The following AGAP1 variants were observed in gnomAD, a reference collection of about 807,000 sequenced individuals.
AGAP1 encodes the protein ArfGAP with GTPase domain, ankyrin repeat and PH domain 1.
In AGAP1, 29 loss-of-function variants were observed where a neutral mutation model predicts 105.3. The ratio of observed to expected loss-of-function variants is 0.28; its 90% CI spans 0.21 to 0.38. The LOEUF is 0.38. Ranked by LOEUF, AGAP1 falls within the 10% of genes least tolerant of loss-of-function variation. The pLI is 1.00. For missense variants in AGAP1, 998 were observed against 1,165.1 expected (o/e 0.86, Z 2.09); for synonymous variants, 509 against 485.9 (o/e 1.05, Z -0.63).
rs1223188001 is a variant in AGAP1, at chr2:235,608,555, T to C, written c.164-100624T>C. Among the ~76,000 whole-genome samples, 1 of 152,134 alleles carries C rather than the reference T, an allele frequency of 6.6e-6. No individual in the cohort carries two copies. Among genetic ancestry groups the C allele is most frequent in the African/African-American group, 2.4e-5 (1 of 41,424 alleles). On this transcript the variant is annotated intron_variant, in intron 1 of 17. Transcript: ENST00000304032. The surrounding 1 kb of genome is among the most constrained non-coding windows in gnomAD (Gnocchi z 5.4). Reference sequence around the variant, plus strand: ...CTGCCTCTCCCAGTGAGACCAACCCTGCCCTCTGGACGGATGGAAGGACAC... The same window carrying C: ...CTGCCTCTCCCAGTGAGACCAACCCCGCCCTCTGGACGGATGGAAGGACAC...
chr2:235,963,839 G>A lies in AGAP1; in HGVS notation c.1484-4623G>A, dbSNP rs1487789237. ...ACACAGAGACATAGAGTGGTGGCCTGGAATAGAGAGCCTAGCGGTAGACCT... is the reference window on the plus strand; with the variant it reads ...ACACAGAGACATAGAGTGGTGGCCTAGAATAGAGAGCCTAGCGGTAGACCT... On this transcript the variant is annotated intron_variant, in intron 12 of 17. Transcript: ENST00000304032. This position sits in a 1 kb window ranked among gnomAD's most constrained non-coding sequence, Gnocchi z 5.1. Among the ~76,000 whole-genome samples the A allele has an allele frequency of 6.6e-6, 1 of 152,180 alleles. No homozygotes were observed. Among genetic ancestry groups the A allele is most frequent in the African/African-American group, 2.4e-5 (1 of 41,446 alleles).
At position 235,612,305 on chromosome 2, in the gene AGAP1, G is replaced by A. The variant is rs1469611312; in HGVS notation, c.164-96874G>A. On this transcript the variant is annotated intron_variant, in intron 1 of 17. Transcript: ENST00000304032. This position sits in a 1 kb window ranked among gnomAD's most constrained non-coding sequence, Gnocchi z 4.3. ...GAATTGATTGCACCCCTCCTGTGGC[G>A]TGGAGGCGGTGCCTGGTTAAAGTGG... Among the ~76,000 whole-genome samples, 1 of 152,134 alleles carries A rather than the reference G, an allele frequency of 6.6e-6. No individual in the cohort carries two copies. Among genetic ancestry groups the A allele is most frequent in the Non-Finnish European group, 1.5e-5 (1 of 68,030 alleles).
Position 236,120,216 on chromosome 2 carries a change from T to C in AGAP1, c.2139T>C (p.Arg713=), listed in dbSNP as rs753894634. ...GGGAAGAGAAGGAACGGTGGATCCG[T>C]GCCAAGTACGAGCAGAAGCTCTTCC... ...STREEKERWI[R]AKYEQKLFLA... Residue 713 remains arginine (R), a synonymous_variant, in exon 17 of 18, where the codon CGT becomes CGC. Transcript: ENST00000304032. The surrounding 1 kb of genome is among the most constrained non-coding windows in gnomAD (Gnocchi z 6.0). The C allele has an allele frequency of 6.2e-7, 1 of 1,612,890 alleles. No homozygotes were observed. Among genetic ancestry groups the C allele is most frequent in the South Asian group, 1.1e-5 (1 of 90,948 alleles).
At chr2:235,627,807 A>G (rs912362244) in intron 1 of AGAP1, among the ~76,000 whole-genome samples, 5 of 152,036 alleles carry the variant, frequency 3.3e-5, no homozygotes, top group Middle Eastern at 3.2e-3. Flanking sequence ...TTTCTTGGTG[A>G]TTTTTCTCAG....
Position 235,670,935 on chromosome 2 carries a change from C to G in AGAP1, c.164-38244C>G, listed in dbSNP as rs749290988. 12 of 1,320,720 alleles carry G rather than the reference C, an allele frequency of 9.1e-6. No individual in the cohort carries two copies. In the South Asian group the frequency reaches 1.3e-4, roughly 14 times the overall value. The allele number at this position is 1,320,720 out of a possible 1,614,324, so 81.8% of individuals were successfully genotyped here. A position where few individuals can be genotyped will look rare whatever the true frequency, so the allele number is the denominator to read the frequency against. ...ATCTTCGCGCGCAGGGACGGGGGCC[C>G]GGGCGGCGGGCCCTCGCCACGGAGC... On this transcript the variant is annotated intron_variant, in intron 1 of 17. Transcript: ENST00000304032.
At chr2:235,630,873 C>T (rs1395375140) in intron 1 of AGAP1, among the ~76,000 whole-genome samples, 1 of 152,208 alleles carries the variant, frequency 6.6e-6, no homozygotes, top group Non-Finnish European at 1.5e-5. Context: ...GGTCTGTGTG[C>T]TGGCCCAGCC....
chr2:235,995,411 G>A (rs1355601867), intron 13 of AGAP1, among the ~76,000 whole-genome samples: 1 of 152,096 alleles, frequency 6.6e-6, no homozygotes, highest in African/African-American at 2.4e-5. Flanking sequence ...CTCCTCGGGA[G>A]GCTGAAGCAG....
intron 1 of AGAP1, among the ~76,000 whole-genome samples, chr2:235,561,617 G>C (rs79175791): frequency 0.021 from 3,140 of 152,280 alleles, 115 homozygotes; most frequent in African/African-American, 0.072. Context: ...TGTTCTTGAG[G>C]CTTATTGCTG....
At chr2:235,505,032 A>G (rs561447431) in intron 1 of AGAP1, among the ~76,000 whole-genome samples, 16 of 152,220 alleles carry the variant, frequency 1.1e-4, no homozygotes, top group Admixed American at 1.0e-3. Flanking sequence ...TCAGTTGTCA[A>G]CTGGGGGACT....
At position 235,610,403 on chromosome 2, in the gene AGAP1, A is replaced by G. The variant is rs143418488; in HGVS notation, c.164-98776A>G. Among the ~76,000 whole-genome samples, 110 of 152,288 alleles carry G rather than the reference A, an allele frequency of 7.2e-4. No individual in the cohort carries two copies. Among genetic ancestry groups the G allele is most frequent in the African/African-American group, 2.6e-3 (108 of 41,572 alleles). On this transcript the variant is annotated intron_variant, in intron 1 of 17. Coordinates refer to ENST00000304032, the MANE Select transcript of AGAP1 (RefSeq NM_001037131.3). The surrounding 1 kb of genome is among the most constrained non-coding windows in gnomAD (Gnocchi z 4.9). Reference sequence around the variant, plus strand: ...TCACAGTTCTAGAGGCTGGAAGTCCAAGATCAGGGTGCTGGCATGGTTGGA... The same window carrying G: ...TCACAGTTCTAGAGGCTGGAAGTCCGAGATCAGGGTGCTGGCATGGTTGGA...
intron 11 of AGAP1, among the ~76,000 whole-genome samples, chr2:235,924,481 C>T (rs73128445): frequency 0.02 from 3,037 of 152,262 alleles, 91 homozygotes; most frequent in African/African-American, 0.062. Flanking sequence ...TGCGGCTGCT[C>T]GGCCCGCTAG....
chr2:235,784,373 C>G (rs1248695321), intron 6 of AGAP1, among the ~76,000 whole-genome samples: 1 of 152,112 alleles, frequency 6.6e-6, no homozygotes, highest in Non-Finnish European at 1.5e-5. Context: ...CTTTGACTTC[C>G]TCACTATTCC....
chr2:235,823,602 T>A (rs1424201513), intron 9 of AGAP1, among the ~76,000 whole-genome samples: 1 of 152,190 alleles, frequency 6.6e-6, no homozygotes, highest in East Asian at 1.9e-4. Flanking sequence ...CAGTACCATT[T>A]CCACCACTGA....
At chr2:235,626,210 T>C (rs1332124878) in intron 1 of AGAP1, among the ~76,000 whole-genome samples, 4 of 150,436 alleles carry the variant, frequency 2.7e-5, no homozygotes, top group Non-Finnish European at 5.9e-5. Context: ...AAAAAAAAAT[T>C]AGCCGGTTAT....
rs922600252 is a variant in AGAP1, at chr2:236,121,928, G to A, written c.2370+1481G>A. On this transcript the variant is annotated intron_variant, in intron 17 of 17. Transcript: ENST00000304032. The surrounding 1 kb of genome is among the most constrained non-coding windows in gnomAD (Gnocchi z 4.9). ...CTCACAGGGCCTTTCCTCTGCACTC[G>A]CTCCTGGTAGCTCTCTCCTTTCCCC... 1.4e-4 allele frequency among the ~76,000 whole-genome samples: 22 copies of A among 151,942 alleles called. No individual in the cohort carries two copies. Among genetic ancestry groups the A allele is most frequent in the Admixed American group, 1.2e-3 (18 of 15,248 alleles).
chr2:235,585,216 C>A (rs1297226350), intron 1 of AGAP1, among the ~76,000 whole-genome samples: 2 of 152,166 alleles, frequency 1.3e-5, no homozygotes, highest in African/African-American at 4.8e-5. Flanking sequence ...ATGGGTCTTA[C>A]GGGCCTAAAA....
chr2:235,835,419 T>C (rs986713158), intron 9 of AGAP1, among the ~76,000 whole-genome samples: 2 of 152,234 alleles, frequency 1.3e-5, no homozygotes, highest in African/African-American at 4.8e-5. Context: ...TTGGAGCGTT[T>C]TTCTTCCTTC....
chr2:235,948,856 A>G (rs2125252007), intron 12 of AGAP1, among the ~76,000 whole-genome samples: 1 of 152,318 alleles, frequency 6.6e-6, no homozygotes, highest in African/African-American at 2.4e-5. Flanking sequence ...TTCAATACAG[A>G]GCAGCCAGGT....
At chr2:235,670,524 A>G in intron 1 of AGAP1, 1 of 489,232 alleles carries the variant, frequency 2.0e-6, no homozygotes, top group Non-Finnish European at 3.6e-6. Context: ...CCCGACGTGG[A>G]GGGGGCCCGG....
Sources: allele counts gnomAD v4.1 joint callset (sites outside exome capture counted in the v4.1 genomes callset), GRCh38; gene constraint gnomAD v4.1.1; non-coding constraint Gnocchi (gnomAD v3.1); transcripts MANE v1.5; gene names NCBI Gene and HGNC (gene_info 2026-07-23, HGNC 2026-07-21).